Variants in SAXO4 observed in about 807,000 individuals in gnomAD.
SAXO4 encodes the protein stabilizer of axonemal microtubules 4, also known as protein phosphatase 1 regulatory subunit 32.
chr11:61,484,520 T>C, the SAXO4 span, among the ~76,000 whole-genome samples: 2 of 150,972 alleles, frequency 1.3e-5, no homozygotes, highest in African/African-American at 5.0e-5. Context: ...GCGAGTGTGA[T>C]GGGAAGGCTG....
the SAXO4 span, chr11:61,482,786 G>T: frequency 1.9e-4 from 312 of 1,610,798 alleles, 3 homozygotes; most frequent in South Asian, 3.1e-3. Flanking sequence ...GAGAAGCCCA[G>T]TGCGGGTCCC....
the SAXO4 span, chr11:61,482,308 C>G: frequency 1.9e-6 from 3 of 1,613,548 alleles, no homozygotes; most frequent in Admixed American, 5.0e-5. Flanking sequence ...ACCCCTCTGG[C>G]AGGTCGGGAG....
the SAXO4 span, chr11:61,490,799 G>C: frequency 1.7e-6 from 1 of 586,564 alleles, no homozygotes; most frequent in Admixed American, 3.0e-5. Flanking sequence ...CCTCGCCTCT[G>C]CTTCTCCTCT....
the SAXO4 span, chr11:61,485,740 C>G: frequency 2.3e-6 from 3 of 1,325,342 alleles, no homozygotes; most frequent in Admixed American, 1.7e-5. Context: ...CACTGAGCCT[C>G]TGGAGGACAC....
At chr11:61,487,678 T>C in the SAXO4 span, among the ~76,000 whole-genome samples, 2 of 152,228 alleles carry the variant, frequency 1.3e-5, no homozygotes, top group Non-Finnish European at 2.9e-5. Flanking sequence ...CAAGGGTAGC[T>C]TTCCCACAGA....
chr11:61,488,346 C>T, the SAXO4 span, among the ~76,000 whole-genome samples: 1 of 142,974 alleles, frequency 7.0e-6, no homozygotes, highest in East Asian at 2.1e-4. Flanking sequence ...TCTCTGTCGT[C>T]CAGGCTGGAG....
chr11:61,487,089 C>A, the SAXO4 span: 4,029 of 1,611,278 alleles, frequency 2.5e-3, 59 homozygotes, highest in South Asian at 0.021. Context: ...TAGCCTCCAC[C>A]CCCAAATCCC....
chr11:61,487,488 C>CTAGG, the SAXO4 span, among the ~76,000 whole-genome samples: 1 of 152,156 alleles, frequency 6.6e-6, no homozygotes, highest in Non-Finnish European at 1.5e-5. Context: ...GGCCAGCTAT[C>CTAGG]CCACTGGGAA....
At chr11:61,482,377 C>G in the SAXO4 span, 1 of 1,614,190 alleles carries the variant, frequency 6.2e-7, no homozygotes, top group Non-Finnish European at 8.5e-7. Context: ...AATTTCCAGC[C>G]CGTGGTCTCA....
the SAXO4 span, chr11:61,490,394 T>C: frequency 1.9e-6 from 2 of 1,039,478 alleles, no homozygotes; most frequent in East Asian, 4.8e-5. Context: ...CTGCCCTGGC[T>C]GAACCCTGGC....
At chr11:61,490,873 A>C in the SAXO4 span, 7 of 479,884 alleles carry the variant, frequency 1.5e-5, no homozygotes, top group Non-Finnish European at 2.7e-5. Flanking sequence ...TCCATCCCCC[A>C]GGGGAACACC....
At chr11:61,486,961 G>A in the SAXO4 span, 1 of 1,614,026 alleles carries the variant, frequency 6.2e-7, no homozygotes, top group Admixed American at 1.7e-5. Context: ...CCCCCTCCCT[G>A]CCCAGAACCC....
At chr11:61,489,982 C>T in the SAXO4 span, 2 of 1,576,804 alleles carry the variant, frequency 1.3e-6, no homozygotes, top group Non-Finnish European at 1.7e-6. Flanking sequence ...TTCTCCCTAC[C>T]CCTCATCCAG....
the SAXO4 span, chr11:61,486,287 C>T: frequency 1.4e-5 from 22 of 1,594,424 alleles, no homozygotes; most frequent in Admixed American, 1.2e-4. Flanking sequence ...GGGTGGGAGC[C>T]ACCAGGGGCC....
the SAXO4 span, chr11:61,486,349 C>A: frequency 6.2e-7 from 1 of 1,613,850 alleles, no homozygotes; most frequent in Non-Finnish European, 8.5e-7. Flanking sequence ...TCCAGGCCCT[C>A]CTCCCAGGCC....
the SAXO4 span, chr11:61,485,445 C>A: frequency 6.4e-7 from 1 of 1,558,608 alleles, no homozygotes; most frequent in Non-Finnish European, 8.8e-7. Context: ...ATCTTCCAAT[C>A]CACCTCCCTA....
At chr11:61,484,688 G>A in the SAXO4 span, 1 of 1,613,494 alleles carries the variant, frequency 6.2e-7, no homozygotes, top group Non-Finnish European at 8.5e-7. Context: ...TTCCTCCCAG[G>A]TCCGGAAGGT....
the SAXO4 span, chr11:61,487,324 T>G: frequency 8.4e-7 from 1 of 1,187,970 alleles, no homozygotes; most frequent in Non-Finnish European, 1.2e-6. Flanking sequence ...CACAGCCTCG[T>G]GGAGAAGATC....
chr11:61,485,398 C>T, the SAXO4 span: 1 of 1,612,948 alleles, frequency 6.2e-7, no homozygotes, highest in Non-Finnish European at 8.5e-7. Context: ...TCTAGACCAG[C>T]CAGGTAGGCC....
Sources: allele counts gnomAD v4.1 joint callset (sites outside exome capture counted in the v4.1 genomes callset), GRCh38; gene constraint gnomAD v4.1.1; transcripts MANE v1.5; gene names NCBI Gene and HGNC (gene_info 2026-07-23, HGNC 2026-07-21).